UBAP2: variants seen among roughly 807,000 people sequenced by gnomAD.
UBAP2 encodes the protein ubiquitin associated protein 2, also known as ubiquitin-associated protein 2.
UBAP2 carries 75 observed loss-of-function variants against 139.6 expected under a neutral mutation model. The observed-to-expected ratio is 0.54, with a 90% confidence interval of 0.45 to 0.65. The LOEUF is 0.65. UBAP2 is among the 30% of genes least tolerant of loss of function. The pLI is 0.00. For synonymous variants in UBAP2, 526 were observed against 526.2 expected (o/e 1.00, Z 0.01); for missense variants, 1,368 against 1,369.6 (o/e 1.00, Z 0.02).
At chr9:34,016,959 G>A in intron 2 of UBAP2, 91 bp downstream of exon 2, 2 of 840,420 alleles carry the variant, frequency 2.4e-6, no homozygotes, top group Non-Finnish European at 1.8e-6. Context: ...TCTAAACAAG[G>A]CAAACAAGAG....
Position 33,923,870 on chromosome 9 carries a change from T to C in UBAP2, c.2721A>G (p.Pro907=). The C allele has an allele frequency of 1.2e-6, 2 of 1,614,204 alleles. No individual in the cohort carries two copies. Among genetic ancestry groups the C allele is most frequent in the Non-Finnish European group, 1.7e-6 (2 of 1,180,036 alleles). ...AQQPFVNPAL[P]PGYSYTGLPY... is the part of the protein sequence containing the mutation. ...GAAGACCAGTGTAGCTATAGCCAGG[T>C]GGCAGTGCAGGATTCACGAAGGGCT... The change falls in exon 24 of 29, where the codon CCA becomes CCG. Residue 907 remains proline, a synonymous_variant. Coordinates refer to ENST00000379238, the MANE Select transcript of UBAP2 (RefSeq NM_001370062.2).
Position 33,923,273 on chromosome 9 carries a change from C to T in UBAP2, c.2917G>A (p.Gly973Arg). 1 of 1,614,180 alleles carries T rather than the reference C, an allele frequency of 6.2e-7. No individual in the cohort carries two copies. The highest frequency in any genetic ancestry group is 8.5e-7 in the Non-Finnish European group (1 of 1,180,036). Residue 973 changes from glycine (G) to arginine (R), a missense_variant, in exon 26 of 29, where the codon GGG becomes AGG. Coordinates refer to ENST00000379238, the MANE Select transcript of UBAP2 (RefSeq NM_001370062.2). ...YSTGYDDLTQGTAAGDYSKGG... is the reference protein window; with the variant it reads ...YSTGYDDLTQRTAAGDYSKGG... ...TTGGAGTAGTCTCCTGCTGCTGTCC[C>T]CTGGGTCAGGTCGTCATAACCTAGC...
chr9:33,992,662 G>C (rs956642293), intron 4 of UBAP2, among the ~76,000 whole-genome samples: 25 of 149,750 alleles, frequency 1.7e-4, no homozygotes, highest in Middle Eastern at 3.4e-3. Context: ...GGGCGGAGGG[G>C]GGGGGGCACA....
At chr9:33,966,443 G>A (rs1012631352) in intron 8 of UBAP2, among the ~76,000 whole-genome samples, 1 of 151,902 alleles carries the variant, frequency 6.6e-6, no homozygotes, top group South Asian at 2.1e-4. Flanking sequence ...GTGACAGAGT[G>A]AGACTCCATC....
At chr9:34,008,961 C>CAAAAAAAA (rs773189067) in intron 2 of UBAP2, among the ~76,000 whole-genome samples, 1 of 65,718 alleles carries the variant, frequency 1.5e-5, no homozygotes, top group Admixed American at 2.3e-4. Flanking sequence ...GAGACTGTCT[C>CAAAAAAAA]AAAAAAAAAA....
chr9:33,980,797 A>G (rs899378126), intron 6 of UBAP2, among the ~76,000 whole-genome samples: 1 of 151,486 alleles, frequency 6.6e-6, no homozygotes. Flanking sequence ...CTCTACAAAA[A>G]TTAGCTGGGC....
At chr9:33,971,802 T>A in intron 7 of UBAP2, 48 bp from the exon 8 acceptor site, 1 of 1,091,390 alleles carries the variant, frequency 9.2e-7, no homozygotes, top group Non-Finnish European at 1.4e-6. Context: ...AGCAAACACC[T>A]AAGCCAAAAT....
At chr9:34,018,038 C>CA (rs1211740774) in intron 1 of UBAP2, among the ~76,000 whole-genome samples, 44 of 152,072 alleles carry the variant, frequency 2.9e-4, no homozygotes, top group Middle Eastern at 3.4e-3. Flanking sequence ...AAACATGATT[C>CA]TAAGCTGGGC....
At chr9:33,963,991 A>G (rs1827266063) in intron 8 of UBAP2, among the ~76,000 whole-genome samples, 200 bp from the exon 9 acceptor site, 1 of 152,148 alleles carries the variant, frequency 6.6e-6, no homozygotes, top group East Asian at 1.9e-4. Context: ...TGGACACTCA[A>G]ATCACTTCAA....
At chr9:33,948,945 T>C (rs1001781772) in intron 12 of UBAP2, 1 of 188,836 alleles carries the variant, frequency 5.3e-6, no homozygotes, top group African/African-American at 2.3e-5. Flanking sequence ...GTCAGGCGGA[T>C]CACGAGGTCA....
intron 2 of UBAP2, among the ~76,000 whole-genome samples, chr9:34,011,215 A>G (rs1823727661): frequency 6.6e-6 from 1 of 152,186 alleles, no homozygotes; most frequent in South Asian, 2.1e-4. Flanking sequence ...TTTCTACATT[A>G]TCATTCTGAT....
intron 2 of UBAP2, among the ~76,000 whole-genome samples, chr9:34,010,180 T>C (rs1021477477): frequency 6.8e-6 from 1 of 146,990 alleles, no homozygotes; most frequent in African/African-American, 2.5e-5. Context: ...TCCCAGCACT[T>C]TGGGAGGTCA....
At chr9:34,022,495 T>C (rs1232853005) in intron 1 of UBAP2, among the ~76,000 whole-genome samples, 1 of 146,532 alleles carries the variant, frequency 6.8e-6, no homozygotes, top group Non-Finnish European at 1.5e-5. Context: ...TGGAGTGCAG[T>C]GGCACGATCT....
chr9:33,990,776 A>G (rs887244362), intron 4 of UBAP2, among the ~76,000 whole-genome samples: 1 of 151,614 alleles, frequency 6.6e-6, no homozygotes, highest in African/African-American at 2.4e-5. Flanking sequence ...AGCTGGGGTT[A>G]TAGGCGTACA....
intron 1 of UBAP2, among the ~76,000 whole-genome samples, chr9:34,033,656 C>A (rs988919863): frequency 6.6e-6 from 1 of 151,910 alleles, no homozygotes; most frequent in African/African-American, 2.4e-5. Flanking sequence ...CGGTTCCCTG[C>A]AACCTCTGCC....
intron 20 of UBAP2, 143 bp downstream of exon 20, chr9:33,927,654 G>A (rs1823566055): frequency 1.3e-6 from 1 of 799,012 alleles, no homozygotes; most frequent in South Asian, 1.9e-5. Flanking sequence ...GGGGTGGGGA[G>A]ATTGGGCCTC....
chr9:33,924,398 A>G, intron 22 of UBAP2, 114 bp from the exon 23 acceptor site: 1 of 1,018,470 alleles, frequency 9.8e-7, no homozygotes, highest in Non-Finnish European at 1.5e-6. Context: ...TCCATGCCTG[A>G]GAGCCAGCAG....
chr9:33,995,398 A>G (rs1383239953), intron 4 of UBAP2: 1 of 136,060 alleles, frequency 7.3e-6, no homozygotes, highest in Non-Finnish European at 1.5e-5. Flanking sequence ...AAATATAAAT[A>G]TATATATAAA....
At chr9:33,967,505 T>C (rs960827480) in intron 8 of UBAP2, among the ~76,000 whole-genome samples, 2 of 152,218 alleles carry the variant, frequency 1.3e-5, no homozygotes, top group African/African-American at 4.8e-5. Flanking sequence ...TGCCAGGATT[T>C]TGTTTGTTTT....
Sources: allele counts gnomAD v4.1 joint callset (sites outside exome capture counted in the v4.1 genomes callset), GRCh38; gene constraint gnomAD v4.1.1; transcripts MANE v1.5; gene names NCBI Gene and HGNC (gene_info 2026-07-23, HGNC 2026-07-21).